RELN: variants seen among roughly 807,000 people sequenced by gnomAD.
RELN encodes reelin.
A neutral mutation model predicts 427.6 loss-of-function variants in RELN; 108 were observed. The ratio of observed to expected loss-of-function variants is 0.25; its 90% CI spans 0.22 to 0.30. The LOEUF is 0.30. RELN is among the 10% of genes least tolerant of loss of function. The probability of loss-of-function intolerance (pLI) is 1.00; values close to 1 mark genes in which losing one functional copy is unlikely to be tolerated. For synonymous variants in RELN, 1,524 were observed against 1,513.4 expected (o/e 1.01, Z -0.16); for missense variants, 3,715 against 4,302.8 (o/e 0.86, Z 3.82).
chr7:103,930,908 GT>G (rs1308504261), intron 1 of RELN, among the ~76,000 whole-genome samples: 14 of 144,472 alleles, frequency 9.7e-5, no homozygotes, highest in African/African-American at 3.6e-4. Context: ...GTGTGTGTGT[GT>G]GTCTCCTTCT....
At chr7:103,612,826 T>A (rs1831992194) in intron 20 of RELN, among the ~76,000 whole-genome samples, 1 of 152,208 alleles carries the variant, frequency 6.6e-6, no homozygotes, top group African/African-American at 2.4e-5. Context: ...GGCAAATTAA[T>A]TTTTTAAGAG....
At chr7:103,898,238 CTT>C (rs1444065993) in intron 2 of RELN, among the ~76,000 whole-genome samples, 5 of 151,852 alleles carry the variant, frequency 3.3e-5, no homozygotes, top group Non-Finnish European at 4.4e-5. Context: ...TCTAAACTGT[CTT>C]TATTTCAATT....
At chr7:103,809,653 T>TCTTTGACC (rs1792687986) in intron 3 of RELN, among the ~76,000 whole-genome samples, 1 of 152,206 alleles carries the variant, frequency 6.6e-6, no homozygotes, top group East Asian at 1.9e-4. Context: ...TACAGTGCAG[T>TCTTTGACC]CTTTGACCCG....
chr7:103,524,871 C>T (rs1040444173), intron 46 of RELN, among the ~76,000 whole-genome samples: 1 of 152,138 alleles, frequency 6.6e-6, no homozygotes, highest in African/African-American at 2.4e-5. Flanking sequence ...GGCATGTTCC[C>T]CCAGCAGAGT....
intron 19 of RELN, among the ~76,000 whole-genome samples, chr7:103,632,370 A>C (rs1488904278): frequency 6.6e-6 from 1 of 152,234 alleles, no homozygotes; most frequent in Non-Finnish European, 1.5e-5. Context: ...ATAAGGACTC[A>C]ACAAATTTTT....
intron 2 of RELN, among the ~76,000 whole-genome samples, chr7:103,879,734 T>C (rs1385466995): frequency 6.6e-6 from 1 of 152,208 alleles, no homozygotes; most frequent in Non-Finnish European, 1.5e-5. Flanking sequence ...GATAACTCAG[T>C]GTTTTCTAAT....
chr7:103,911,123 C>CCAGAATCT (rs907814973), intron 2 of RELN, among the ~76,000 whole-genome samples: 1 of 144,608 alleles, frequency 6.9e-6, no homozygotes, highest in Non-Finnish European at 1.5e-5. Flanking sequence ...GGGCTAGTAT[C>CCAGAATCT]CAGAATCTAC....
intron 31 of RELN, among the ~76,000 whole-genome samples, chr7:103,571,173 T>C (rs1584305976): frequency 6.6e-6 from 1 of 152,196 alleles, no homozygotes; most frequent in East Asian, 1.9e-4. Context: ...GACTAATAGG[T>C]ATTGTTTAAG....
intron 41 of RELN, among the ~76,000 whole-genome samples, chr7:103,546,245 T>C (rs1486655020): frequency 1.3e-5 from 2 of 152,222 alleles, no homozygotes; most frequent in African/African-American, 4.8e-5. Context: ...AAAGATAGAA[T>C]ATGTGACCTT....
chr7:103,909,100 TA>T (rs1226767654), intron 2 of RELN, among the ~76,000 whole-genome samples: 3 of 152,192 alleles, frequency 2.0e-5, no homozygotes, highest in African/African-American at 7.2e-5. Flanking sequence ...ACTTATACAA[TA>T]CTCTATTTAA....
chr7:103,512,941 G>T (rs149137761), intron 50 of RELN: 33 of 152,212 alleles, frequency 2.2e-4, no homozygotes, highest in African/African-American at 7.9e-4. Context: ...GTGTCTTTTT[G>T]ATTTTGTCTG....
chr7:103,500,962 T>TTAAC, intron 52 of RELN, 40 bp from the exon 53 acceptor site: 1 of 1,591,230 alleles, frequency 6.3e-7, no homozygotes, highest in African/African-American at 1.3e-5. Flanking sequence ...AAAACAAAAG[T>TTAAC]TAACTGTATT....
chr7:103,636,534 T>G, intron 17 of RELN, 66 bp from the exon 18 acceptor site: 1 of 1,064,230 alleles, frequency 9.4e-7, no homozygotes, highest in Non-Finnish European at 1.4e-6. Flanking sequence ...CGAATCTACT[T>G]TGGGGAGGAA....
intron 2 of RELN, among the ~76,000 whole-genome samples, chr7:103,873,764 T>C (rs1395402274): frequency 7.2e-6 from 1 of 138,154 alleles, no homozygotes; most frequent in Non-Finnish European, 1.6e-5. Context: ...CACAGCCGAA[T>C]TCTACCAGAG....
chr7:103,841,263 G>C (rs1793545085), intron 2 of RELN, among the ~76,000 whole-genome samples: 1 of 152,078 alleles, frequency 6.6e-6, no homozygotes, highest in South Asian at 2.1e-4. Flanking sequence ...TCATAACTTT[G>C]CTGTAATTTC....
intron 1 of RELN, among the ~76,000 whole-genome samples, chr7:103,972,974 C>G (rs1796796424): frequency 6.6e-6 from 1 of 151,612 alleles, no homozygotes; most frequent in East Asian, 1.9e-4. Context: ...GAGGTACCAT[C>G]AGCAAGAATG....
chr7:103,481,670 A>C (rs117970865), intron 63 of RELN, among the ~76,000 whole-genome samples: 4,071 of 152,330 alleles, frequency 0.027, 63 homozygotes, highest in African/African-American at 0.048. Context: ...AAAGGCAAGT[A>C]GCCAGGGTAA....
At chr7:103,771,530 C>T (rs1191922576) in intron 4 of RELN, among the ~76,000 whole-genome samples, 3 of 152,200 alleles carry the variant, frequency 2.0e-5, no homozygotes, top group African/African-American at 7.2e-5. Context: ...CCCTTCTCAG[C>T]AGGCTGCTGG....
At chr7:103,857,130 T>A (rs993829900) in intron 2 of RELN, among the ~76,000 whole-genome samples, 4 of 152,180 alleles carry the variant, frequency 2.6e-5, no homozygotes, top group African/African-American at 9.6e-5. Flanking sequence ...TGTCTGCTTA[T>A]ATCATCTGCT....
Sources: allele counts gnomAD v4.1 joint callset (sites outside exome capture counted in the v4.1 genomes callset), GRCh38; gene constraint gnomAD v4.1.1; transcripts MANE v1.5; gene names NCBI Gene and HGNC (gene_info 2026-07-23, HGNC 2026-07-21).